NRG1: variants seen among roughly 807,000 people sequenced by gnomAD.
The protein encoded by NRG1 is pro-neuregulin-1, membrane-bound isoform.
A neutral mutation model predicts 63.8 loss-of-function variants in NRG1; 18 were observed. The ratio of observed to expected loss-of-function variants is 0.28; its 90% CI spans 0.19 to 0.42. The LOEUF (loss-of-function observed/expected upper bound fraction) is 0.42. Among genes scored for constraint, NRG1 ranks in the 10% least tolerant of loss-of-function variants. The pLI, the probability that NRG1 is intolerant of heterozygous loss-of-function variation, is 1.00. For missense variants in NRG1, 762 were observed against 814.7 expected, an observed-to-expected ratio of 0.94 and a Z score of 0.79; for synonymous variants, 302 against 301.3, an observed-to-expected ratio of 1.00 and a Z score of -0.02.
At chr8:32,256,228 C>T (rs984554268) in intron 1 of NRG1, among the ~76,000 whole-genome samples, 1 of 152,126 alleles carries the variant, frequency 6.6e-6, no homozygotes, top group African/African-American at 2.4e-5. Context: ...TGTTCCCTTG[C>T]TGGTGAGGAG....
rs1289354200 is a variant in NRG1, at chr8:31,743,771, A to AT, written c.37+104345dup. ...TCTGTACTAAGGCACAAAAGCTATG[A>AT]TTTTTCATCTGCCCAGAATAATAAA... On this transcript the variant is annotated intron_variant, in intron 1 of 10. Coordinates refer to the NRG1 transcript ENST00000519301. Among the ~76,000 whole-genome samples, 3 of 152,068 alleles carry AT rather than the reference A, an allele frequency of 2.0e-5. No homozygotes were observed. The East Asian group carries it at 5.8e-4, about 30-fold the overall frequency.
chr8:32,093,056 A>G, intron 1 of NRG1, among the ~76,000 whole-genome samples: 1 of 152,196 alleles, frequency 6.6e-6, no homozygotes, highest in African/African-American at 2.4e-5. Context: ...ATGTGGGGAA[A>G]AGAAAGAGAG....
chr8:31,702,042 T>A (rs544620138), intron 1 of NRG1, among the ~76,000 whole-genome samples: 2 of 152,184 alleles, frequency 1.3e-5, no homozygotes, highest in Non-Finnish European at 2.9e-5. Flanking sequence ...CAGGTGATTC[T>A]TATTCACCTG....
chr8:32,262,314 A>G (rs1850468238), intron 1 of NRG1, among the ~76,000 whole-genome samples: 1 of 152,162 alleles, frequency 6.6e-6, no homozygotes, highest in Non-Finnish European at 1.5e-5. Flanking sequence ...CTCCAATTAA[A>G]TAGTTCTTTG....
At chr8:32,726,335 C>G (rs1334941115) in intron 5 of NRG1, among the ~76,000 whole-genome samples, 1 of 151,572 alleles carries the variant, frequency 6.6e-6, no homozygotes, top group East Asian at 1.9e-4. Flanking sequence ...TTTTTTTTTG[C>G]CAATTCCTTT....
intron 1 of NRG1, among the ~76,000 whole-genome samples, chr8:32,348,561 T>C (rs192663173): frequency 2.8e-4 from 43 of 152,316 alleles, no homozygotes; most frequent in Middle Eastern, 3.4e-3. Context: ...ATGAACAACA[T>C]TTATGGTCAA....
At chr8:32,054,170 A>G (rs1416190278) in intron 1 of NRG1, among the ~76,000 whole-genome samples, 1 of 152,172 alleles carries the variant, frequency 6.6e-6, no homozygotes, top group East Asian at 1.9e-4. Flanking sequence ...TATATATGGA[A>G]ATTCCCAATA....
chr8:32,049,115 C>A (rs1189778912), intron 1 of NRG1, among the ~76,000 whole-genome samples: 2 of 152,074 alleles, frequency 1.3e-5, no homozygotes, highest in Non-Finnish European at 2.9e-5. Context: ...GAATTTAACA[C>A]TGGATCACTT....
At chr8:32,623,990 T>C (rs922759702) in intron 5 of NRG1, among the ~76,000 whole-genome samples, 1 of 152,164 alleles carries the variant, frequency 6.6e-6, no homozygotes, top group Non-Finnish European at 1.5e-5. Context: ...GATATAGATA[T>C]AGATATAGAT....
upstream of NRG1, among the ~76,000 whole-genome samples, chr8:32,544,955 C>A (rs1588195225): frequency 6.6e-6 from 1 of 151,750 alleles, no homozygotes; most frequent in South Asian, 2.1e-4. Flanking sequence ...AACTTTGTTG[C>A]AGTTTTTAAA....
At chr8:32,569,577 A>T (rs557464832) in intron 1 of NRG1, among the ~76,000 whole-genome samples, 2 of 152,138 alleles carry the variant, frequency 1.3e-5, no homozygotes, top group East Asian at 3.9e-4. Context: ...ATTATATGAA[A>T]ACTGTCTTTA....
intron 1 of NRG1, among the ~76,000 whole-genome samples, chr8:31,744,199 G>A (rs1815615716): frequency 6.6e-6 from 1 of 151,894 alleles, no homozygotes; most frequent in Admixed American, 6.6e-5. Flanking sequence ...AGAATGTGCA[G>A]CCAGCTGTTT....
chr8:32,379,547 T>C (rs1810073996), intron 1 of NRG1, among the ~76,000 whole-genome samples: 2 of 152,182 alleles, frequency 1.3e-5, no homozygotes, highest in Admixed American at 6.5e-5. Context: ...TAGGGGTAAT[T>C]GCATATGATT....
chr8:32,383,077 T>C (rs1239554880), intron 1 of NRG1, among the ~76,000 whole-genome samples: 2 of 147,932 alleles, frequency 1.4e-5, no homozygotes, highest in Non-Finnish European at 3.0e-5. Context: ...AAAAAAAAAA[T>C]TAGATGGGCA....
intron 1 of NRG1, among the ~76,000 whole-genome samples, chr8:32,563,451 G>A (rs1312990953): frequency 6.6e-6 from 1 of 152,164 alleles, no homozygotes; most frequent in African/African-American, 2.4e-5. Context: ...TGAAAATGTA[G>A]AAGATGGTAA....
chr8:32,412,434 A>ATATATATATATATATG (rs1563428462), intron 1 of NRG1, among the ~76,000 whole-genome samples: 20 of 39,974 alleles, frequency 5.0e-4, no homozygotes, highest in African/African-American at 1.3e-3. Flanking sequence ...ATATATATAT[A>ATATATATATATATATG]TATATATATA....
At chr8:32,101,737 C>T (rs1013197899) in intron 1 of NRG1, among the ~76,000 whole-genome samples, 13 of 152,094 alleles carry the variant, frequency 8.5e-5, no homozygotes, top group Non-Finnish European at 1.5e-4. Flanking sequence ...TATAACAAAA[C>T]AAACTAAAAC....
At chr8:32,648,481 T>A in intron 5 of NRG1, 1 of 1,470,676 alleles carries the variant, frequency 6.8e-7, no homozygotes. Context: ...TGCATTTTAG[T>A]TGCCTGGTTT....
chr8:32,646,308 C>G (rs867508999), intron 5 of NRG1, among the ~76,000 whole-genome samples: 9 of 152,152 alleles, frequency 5.9e-5, no homozygotes, highest in African/African-American at 1.9e-4. Flanking sequence ...ATAGTCATTG[C>G]AAAAAGGGCT....
Sources: gnomAD v4.1 joint callset for allele counts (sites outside exome capture counted in the v4.1 genomes callset) on GRCh38, gnomAD v4.1.1 for gene constraint, MANE v1.5 for transcripts, NCBI Gene and HGNC (gene_info 2026-07-23, HGNC 2026-07-21) for gene names.